RGMB: variants seen among roughly 807,000 people sequenced by gnomAD.
RGMB encodes the protein repulsive guidance molecule BMP co-receptor b.
A neutral mutation model predicts 26.9 loss-of-function variants in RGMB; 16 were observed. That is an observed-to-expected ratio of 0.60 (90% confidence interval 0.40 to 0.90). The LOEUF is 0.90. Among genes scored for constraint, RGMB ranks in the 40% least tolerant of loss-of-function variants. RGMB has a pLI of 0.00. For synonymous variants in RGMB, 225 were observed against 229.3 expected (o/e 0.98, Z 0.17); for missense variants, 512 against 573.3 (o/e 0.89, Z 1.09).
intron 1 of RGMB, among the ~76,000 whole-genome samples, chr5:98,779,014 T>G (rs1325108079): frequency 1.3e-5 from 2 of 152,008 alleles, no homozygotes; most frequent in African/African-American, 2.4e-5. Flanking sequence ...AGAATGACAG[T>G]ACCTGGATTT....
chr5:98,778,735 A>T (rs755980549), intron 1 of RGMB, among the ~76,000 whole-genome samples: 5 of 152,182 alleles, frequency 3.3e-5, no homozygotes, highest in African/African-American at 4.8e-5. Context: ...TCATTTGGAA[A>T]TTGATTTTTT....
intron 1 of RGMB, among the ~76,000 whole-genome samples, chr5:98,774,598 G>T (rs1436058907): frequency 1.3e-5 from 2 of 152,352 alleles, no homozygotes; most frequent in East Asian, 1.9e-4. Context: ...CGTCGCAGCC[G>T]CCTCGGAGGG....
chr5:98,774,719 C>G (rs946589659), intron 1 of RGMB, among the ~76,000 whole-genome samples: 5 of 152,126 alleles, frequency 3.3e-5, no homozygotes, highest in Admixed American at 2.6e-4. Context: ...GAGTTAATCT[C>G]GAAGTAACGT....
In RGMB at chr5:98,795,524, G is replaced by C. The variant is rs758678914; in HGVS notation, c.*1771G>C. 2.0e-5 allele frequency: 3 copies of C among 152,174 alleles called. No homozygotes were observed. Among genetic ancestry groups the C allele is most frequent in the Non-Finnish European group, 4.4e-5 (3 of 68,040 alleles). 9.4% of individuals were successfully genotyped at this position (152,174 alleles called of 1,614,324 possible). A position where few individuals can be genotyped will look rare whatever the true frequency, so the allele number is the denominator to read the frequency against. On this transcript the variant is annotated 3_prime_UTR_variant, in exon 3 of 3. Coordinates refer to ENST00000513185, the MANE Select transcript of RGMB (RefSeq NM_001366508.1). ...AGGTGGCAAACCTCTACCTTGTGTT[G>C]ATGAGAGAATAATCTTGGGCAGTCT... is the stretch of plus-strand genomic sequence containing the variant.
intron 2 of RGMB, among the ~76,000 whole-genome samples, chr5:98,784,289 A>C (rs146305805): frequency 1.3e-5 from 2 of 152,352 alleles, no homozygotes; most frequent in African/African-American, 4.8e-5. Flanking sequence ...CATTATGGAT[A>C]GTCTAAATTC....
intron 1 of RGMB, among the ~76,000 whole-genome samples, chr5:98,776,853 G>A (rs1195027463): frequency 6.6e-6 from 1 of 152,208 alleles, no homozygotes; most frequent in Non-Finnish European, 1.5e-5. Flanking sequence ...TTGGGAGACT[G>A]AGGCGGGCAG....
intron 1 of RGMB, among the ~76,000 whole-genome samples, 168 bp downstream of exon 1, chr5:98,774,374 C>A (rs999577573): frequency 1.3e-5 from 2 of 152,206 alleles, no homozygotes; most frequent in African/African-American, 4.8e-5. Context: ...GCCACAGTAA[C>A]GCAGCCACCC....
In RGMB at chr5:98,779,719, C is replaced by T; in HGVS notation, c.276C>T (p.Thr92=). The T allele has an allele frequency of 3.1e-6, 5 of 1,612,696 alleles. No individual in the cohort carries two copies. The highest frequency in any genetic ancestry group is 4.2e-6 in the Non-Finnish European group (5 of 1,178,946). The change falls in exon 2 of 3, where the codon ACC becomes ACT. Residue 92 remains threonine, a synonymous_variant. Coordinates refer to ENST00000513185, the MANE Select transcript of RGMB (RefSeq NM_001366508.1). The part of the protein sequence containing the change: ...CKALRAYAGC[T]QRTSKACRGN... Reference sequence around the variant, plus strand: ...CCTTGCGTGCCTATGCTGGCTGCACCCAGCGAACTTCAAAAGCCTGCCGTG... The same window carrying T: ...CCTTGCGTGCCTATGCTGGCTGCACTCAGCGAACTTCAAAAGCCTGCCGTG...
chr5:98,793,778 T>A lies in RGMB; in HGVS notation c.*25T>A. 6.7e-7 allele frequency: 1 copy of A among 1,492,580 alleles called. No homozygotes were observed. The highest frequency in any genetic ancestry group is 1.3e-5 in the South Asian group (1 of 74,328). The allele number at this position is 1,492,580 out of a possible 1,614,324, so 92.5% of individuals were successfully genotyped here. On this transcript the variant is annotated 3_prime_UTR_variant, in exon 3 of 3. Transcript: ENST00000513185. ...GGGGTTGTCTTTTGTTTTGGTTTTT[T>A]ATTTTTTGTCTATAACAAAATTTTA...
Position 98,793,375 on chromosome 5 carries a change from C to T in RGMB, c.936C>T (p.Cys312=), listed in dbSNP as rs775316254. 3.1e-6 allele frequency: 5 copies of T among 1,613,310 alleles called. No homozygotes were observed. The highest frequency in any genetic ancestry group is 2.7e-5 in the African/African-American group (2 of 74,916). ...AGGAGAGCCAGGACCTGCAGCTGTG[C>T]GTGAACGGCTGCCCCCTGAGTGAAC... ...SYEESQDLQL[C]VNGCPLSERI... is the part of the protein sequence containing the mutation. Residue 312 remains cysteine (C), a synonymous_variant, in exon 3 of 3, where the codon TGC becomes TGT. Coordinates refer to ENST00000513185, the MANE Select transcript of RGMB (RefSeq NM_001366508.1).
intron 2 of RGMB, 115 bp downstream of exon 2, chr5:98,780,203 A>C: frequency 1.1e-6 from 1 of 906,064 alleles, no homozygotes; most frequent in Non-Finnish European, 1.7e-6. Context: ...ACTTCTTTTG[A>C]AAAGCAATTA....
intron 2 of RGMB, among the ~76,000 whole-genome samples, chr5:98,781,704 TACTC>T (rs1474149621): frequency 5.9e-5 from 9 of 152,196 alleles, no homozygotes. Context: ...AATGGGGAAA[TACTC>T]ATTCTCTTCA....
intron 1 of RGMB, among the ~76,000 whole-genome samples, chr5:98,774,454 C>T (rs1048185736): frequency 1.3e-5 from 2 of 152,194 alleles, no homozygotes; most frequent in African/African-American, 4.8e-5. Flanking sequence ...GGACCGCTGA[C>T]AAATCTCCCC....
Position 98,779,924 on chromosome 5 carries a change from C to T in RGMB, c.481C>T (p.Leu161Phe). 1 of 1,613,694 alleles carries T rather than the reference C, an allele frequency of 6.2e-7. No homozygotes were observed. Residue 161 changes from leucine to phenylalanine, a missense_variant, in exon 2 of 3, where the codon CTT becomes TTT. By Grantham distance (22) the Leu-to-Phe change is conservative (BLOSUM62 0). Transcript: ENST00000513185. Reference protein sequence around the residue: ...RRGDQNPPSYLFCGLFGDPHL... With the variant: ...RRGDQNPPSYFFCGLFGDPHL... ...AGGGGACCAGAACCCTCCCAGTTAC[C>T]TTTTTTGTGGCTTGTTTGGAGATCC...
chr5:98,793,565 C>T lies in RGMB; in HGVS notation c.1126C>T (p.Leu376=), dbSNP rs201952910. The part of the protein sequence containing the change: ...DIYFQSCVFD[L]LTTGDANFTA... ...CTATTTCCAGTCCTGTGTCTTCGAC[C>T]TGCTCACCACTGGTGATGCCAACTT... is the stretch of plus-strand genomic sequence containing the variant. Residue 376 remains leucine (L), a synonymous_variant, in exon 3 of 3, where the codon CTG becomes TTG. Transcript: ENST00000513185. The T allele has an allele frequency of 6.2e-7, 1 of 1,614,020 alleles. No individual in the cohort carries two copies. The highest frequency in any genetic ancestry group is 8.5e-7 in the Non-Finnish European group (1 of 1,179,888).
chr5:98,784,974 G>A (rs557419484), intron 2 of RGMB, among the ~76,000 whole-genome samples: 22 of 152,154 alleles, frequency 1.4e-4, no homozygotes, highest in Non-Finnish European at 2.1e-4. Flanking sequence ...CTTATAATCT[G>A]AGATCGCTCT....
chr5:98,793,990 A>G lies in RGMB; in HGVS notation c.*237A>G, dbSNP rs1391271150. On this transcript the variant is annotated 3_prime_UTR_variant, in exon 3 of 3. Transcript: ENST00000513185. The stretch of plus-strand genomic sequence containing the variant: ...TTGCAGTTCTGTGAAATGTTTTATA[A>G]TGTCCCTGCCCAGGGACCTGTTAGA... The G allele has an allele frequency of 2.4e-6, 1 of 413,406 alleles. No homozygotes were observed. Among genetic ancestry groups the G allele is most frequent in the Admixed American group, 4.1e-5 (1 of 24,488 alleles). 25.6% of individuals were successfully genotyped at this position (413,406 alleles called of 1,614,324 possible).
Position 98,795,807 on chromosome 5 carries a change from AAGTG to A in RGMB, c.*2056_*2059del, listed in dbSNP as rs1367604093. ...CACTATTTTTGTGCAAATAATATGA[AAGTG>A]AAGTAAAAGCAATAGAAGAAATTTC... On this transcript the variant is annotated 3_prime_UTR_variant, in exon 3 of 3. Coordinates refer to ENST00000513185, the MANE Select transcript of RGMB (RefSeq NM_001366508.1). 6.6e-6 allele frequency: 1 copy of A among 152,304 alleles called. No individual in the cohort carries two copies. 9.4% of individuals were successfully genotyped at this position (152,304 alleles called of 1,614,324 possible).
At chr5:98,784,481 C>T (rs1441943541) in intron 2 of RGMB, among the ~76,000 whole-genome samples, 1 of 152,160 alleles carries the variant, frequency 6.6e-6, no homozygotes, top group African/African-American at 2.4e-5. Flanking sequence ...CTTGTAGGCT[C>T]CTAGAGCATG....
Sources: gnomAD v4.1 joint callset for allele counts (sites outside exome capture counted in the v4.1 genomes callset) on GRCh38, gnomAD v4.1.1 for gene constraint, MANE v1.5 for transcripts, NCBI Gene and HGNC (gene_info 2026-07-23, HGNC 2026-07-21) for gene names.